The following MGAT5B variants were observed in gnomAD, a reference collection of about 807,000 sequenced individuals.
MGAT5B encodes alpha-1,6-mannosylglycoprotein 6-beta-N-acetylglucosaminyltransferase B, also known as N-acetylglucosaminyl-transferase Vb.
A neutral mutation model predicts 95.1 loss-of-function variants in MGAT5B; 54 were observed. The observed-to-expected ratio is 0.57, with a 90% CI of 0.46 to 0.71. The LOEUF (loss-of-function observed/expected upper bound fraction) is 0.71, where lower values mean the gene tolerates loss of function less well. Among genes scored for constraint, MGAT5B ranks in the 30% least tolerant of loss-of-function variants. The probability of loss-of-function intolerance (pLI) is 0.00; values close to 1 mark genes in which losing one functional copy is unlikely to be tolerated. For missense variants in MGAT5B, 935 were observed against 1,088.6 expected, an observed-to-expected ratio of 0.86 and a Z score of 1.99; for synonymous variants, 464 against 451.0, an observed-to-expected ratio of 1.03 and a Z score of -0.36.
rs1968916212 is a variant in MGAT5B at position 76,915,904 on chromosome 17, A to T, written c.1026-9062A>T. Among the ~76,000 whole-genome samples the T allele has an allele frequency of 6.6e-6, 1 of 152,204 alleles. No individual in the cohort carries two copies. The highest frequency in any genetic ancestry group is 1.5e-5 in the Non-Finnish European group (1 of 68,026). On this transcript the variant is annotated intron_variant, in intron 8 of 17. Transcript: ENST00000569840. The surrounding 1 kb of genome is among the most constrained non-coding windows in gnomAD (Gnocchi z 8.7). ...CAGCGGAGAGGCCTGGCAGCCAGAC[A>T]CCTGACCCAAGTTGGCTGGCGGTCA...
chr17:76,927,416 T>C (rs568760090), intron 10 of MGAT5B, among the ~76,000 whole-genome samples: 5 of 152,218 alleles, frequency 3.3e-5, no homozygotes, highest in African/African-American at 1.2e-4. Context: ...ATTTTTATAT[T>C]TTTTGTAGAG....
intron 3 of MGAT5B, among the ~76,000 whole-genome samples, chr17:76,893,530 C>A (rs1011651596): frequency 6.6e-6 from 1 of 152,232 alleles, no homozygotes; most frequent in African/African-American, 2.4e-5. Flanking sequence ...GGAAAATGTA[C>A]TATAAGCAGG....
Position 76,932,677 on chromosome 17 carries a change from G to A in MGAT5B, c.1324G>A (p.Val442Met), listed in dbSNP as rs762811822. The A allele has an allele frequency of 4.7e-5, 76 of 1,613,876 alleles. No homozygotes were observed. Among genetic ancestry groups the A allele is most frequent in the Non-Finnish European group, 6.3e-5 (74 of 1,179,926 alleles). Residue 442 changes from valine to methionine, a missense_variant, in exon 11 of 18, where the codon GTG becomes ATG. Physicochemically the swap from Val to Met is conservative, Grantham distance 21. Transcript: ENST00000569840. ...HTPDNSFMGFVSEELNETEKR... is the reference protein window; with the variant it reads ...HTPDNSFMGFMSEELNETEKR... ...CCCCGACAACTCCTTCATGGGCTTCGTGTCCGAGGAGCTCAACGAGACGGA... is the reference window on the plus strand; with the variant it reads ...CCCCGACAACTCCTTCATGGGCTTCATGTCCGAGGAGCTCAACGAGACGGA...
rs1968509671 is a variant in MGAT5B, at chr17:76,905,956, G to A, written c.856-62G>A. The A allele has an allele frequency of 7.4e-6, 11 of 1,488,728 alleles. No individual in the cohort carries two copies. The highest frequency in any genetic ancestry group is 1.4e-5 in the African/African-American group (1 of 68,966). The allele number at this position is 1,488,728 out of a possible 1,614,324, so 92.2% of individuals were successfully genotyped here. A position where few individuals can be genotyped will look rare whatever the true frequency, so the allele number is the denominator to read the frequency against. ...CGGCTGGTCTCCTGGCCGGTGCCCC[G>A]GGGGGGCGGGGCTCAGAGCTGCTGC... On this transcript the variant is annotated intron_variant, in intron 7 of 17. Coordinates refer to ENST00000569840, the MANE Select transcript of MGAT5B (RefSeq NM_001199172.2). This position sits in a 1 kb window ranked among gnomAD's most constrained non-coding sequence, Gnocchi z 4.2.
Position 76,912,278 on chromosome 17 carries a change from G to C in MGAT5B, c.1025+6091G>C, listed in dbSNP as rs1264560141. ...CATAATAAGATGGCAACCACTGGGGGGCCCTGGGCAGAGTTCCCAGCGAGC... is the reference window on the plus strand; with the variant it reads ...CATAATAAGATGGCAACCACTGGGGCGCCCTGGGCAGAGTTCCCAGCGAGC... On this transcript the variant is annotated intron_variant, in intron 8 of 17. Coordinates refer to ENST00000569840, the MANE Select transcript of MGAT5B (RefSeq NM_001199172.2). The surrounding 1 kb of genome is among the most constrained non-coding windows in gnomAD (Gnocchi z 5.0). 1.3e-5 allele frequency among the ~76,000 whole-genome samples: 2 copies of C among 152,142 alleles called. No individual in the cohort carries two copies. The highest frequency in any genetic ancestry group is 4.8e-5 in the African/African-American group (2 of 41,420).
intron 3 of MGAT5B, among the ~76,000 whole-genome samples, chr17:76,902,032 C>A (rs1968331474): frequency 6.6e-6 from 1 of 151,890 alleles, no homozygotes; most frequent in African/African-American, 2.4e-5. Context: ...ACAGTTGTGG[C>A]CACACATGCA....
chr17:76,877,468 G>A (rs575830285), intron 2 of MGAT5B, among the ~76,000 whole-genome samples: 1 of 152,276 alleles, frequency 6.6e-6, no homozygotes, highest in South Asian at 2.1e-4. Context: ...GATTGAACCT[G>A]GGGAAGGCTA....
At chr17:76,911,766 T>G (rs1316759807) in intron 8 of MGAT5B, among the ~76,000 whole-genome samples, 2 of 152,090 alleles carry the variant, frequency 1.3e-5, no homozygotes, top group African/African-American at 2.4e-5. Context: ...TCAATACAGT[T>G]TGAGATGTGG....
intron 2 of MGAT5B, among the ~76,000 whole-genome samples, chr17:76,873,164 C>A (rs984941646): frequency 2.0e-5 from 3 of 152,230 alleles, no homozygotes; most frequent in Non-Finnish European, 4.4e-5. Flanking sequence ...TTTCCTCTGG[C>A]CTGGATTCTC....
At chr17:76,871,901 A>T (rs1202953355) in intron 1 of MGAT5B, among the ~76,000 whole-genome samples, 3 of 152,198 alleles carry the variant, frequency 2.0e-5, no homozygotes, top group Non-Finnish European at 4.4e-5. Context: ...CCTAGGATTG[A>T]TGAGGGAAGC....
rs547381155 is a variant in MGAT5B at position 76,926,397 on chromosome 17, A to T, written c.1158-200A>T. 2.6e-5 allele frequency among the ~76,000 whole-genome samples: 4 copies of T among 152,226 alleles called. No individual in the cohort carries two copies. The East Asian group carries it at 7.7e-4, about 29-fold the overall frequency. ...ATTGGGCTGTTGTTTTTCCCACTGG[A>T]CAGATGAGGCAGCACAGAGAGGTGA... On this transcript the variant is annotated intron_variant, in intron 9 of 17. Coordinates refer to ENST00000569840, the MANE Select transcript of MGAT5B (RefSeq NM_001199172.2).
chr17:76,881,822 C>A (rs907294771), intron 2 of MGAT5B, among the ~76,000 whole-genome samples: 2 of 152,142 alleles, frequency 1.3e-5, no homozygotes, highest in Non-Finnish European at 2.9e-5. Context: ...GGCCCCAGAG[C>A]ACCTCAAAGG....
intron 12 of MGAT5B, among the ~76,000 whole-genome samples, chr17:76,935,869 AT>A (rs1394154095): frequency 7.9e-6 from 1 of 126,698 alleles, no homozygotes; most frequent in East Asian, 2.1e-4. Flanking sequence ...TATTATATAC[AT>A]TATATATATT....
At chr17:76,948,389 T>A (rs1283162015) in intron 17 of MGAT5B, among the ~76,000 whole-genome samples, 2 of 152,192 alleles carry the variant, frequency 1.3e-5, no homozygotes, top group Non-Finnish European at 2.9e-5. Flanking sequence ...ATGAAAGCTG[T>A]CCCAGGTGCT....
intron 3 of MGAT5B, among the ~76,000 whole-genome samples, chr17:76,901,605 G>A (rs1201307870): frequency 5.3e-5 from 8 of 152,174 alleles, no homozygotes; most frequent in African/African-American, 1.7e-4. Flanking sequence ...AAGCAACACT[G>A]GTATCGATGG....
At chr17:76,937,869 A>T in intron 12 of MGAT5B, 119 bp from the exon 13 acceptor site, 1 of 1,260,232 alleles carries the variant, frequency 7.9e-7, no homozygotes, top group Non-Finnish European at 1.1e-6. Flanking sequence ...ACAGCCAGTT[A>T]ATGGCCAACC....
At chr17:76,883,319 T>G (rs1173340980) in intron 3 of MGAT5B, among the ~76,000 whole-genome samples, 1 of 152,166 alleles carries the variant, frequency 6.6e-6, no homozygotes, top group African/African-American at 2.4e-5. Context: ...CTTTTCATGA[T>G]GATTTTGAAC....
At chr17:76,871,562 C>T (rs1475866453) in intron 1 of MGAT5B, among the ~76,000 whole-genome samples, 1 of 152,200 alleles carries the variant, frequency 6.6e-6, no homozygotes, top group Non-Finnish European at 1.5e-5. Flanking sequence ...TATATGTTTT[C>T]TTTAATGGAC....
At chr17:76,948,524 G>A (rs563804773) in intron 17 of MGAT5B, 116 bp from the exon 18 acceptor site, 126 of 1,081,088 alleles carry the variant, frequency 1.2e-4, no homozygotes, top group Non-Finnish European at 1.5e-4. Flanking sequence ...GGCTGGGATG[G>A]GATGGGCCAG....
Sources: allele counts gnomAD v4.1 joint callset (sites outside exome capture counted in the v4.1 genomes callset), GRCh38; gene constraint gnomAD v4.1.1; non-coding constraint Gnocchi (gnomAD v3.1); transcripts MANE v1.5; gene names NCBI Gene and HGNC (gene_info 2026-07-23, HGNC 2026-07-21).